FBXO8: variants seen among roughly 807,000 people sequenced by gnomAD.
FBXO8 encodes F-box only protein 8.
Under a neutral mutation model 33.4 loss-of-function variants are expected in FBXO8, and 15 were observed. The ratio of observed to expected loss-of-function variants is 0.45; its 90% confidence interval spans 0.30 to 0.69. The LOEUF (loss-of-function observed/expected upper bound fraction) is 0.69. Ranked by LOEUF, FBXO8 falls within the 30% of genes least tolerant of loss-of-function variation. The probability of loss-of-function intolerance (pLI) is 0.08; values close to 1 mark genes in which losing one functional copy is unlikely to be tolerated. For missense variants in FBXO8, 274 were observed against 380.3 expected (o/e 0.72, Z 2.32); for synonymous variants, 132 against 131.5 (o/e 1.00, Z -0.02).
rs72702245 is a variant in FBXO8 at position 174,273,333 on chromosome 4, A to G, written c.-9+10077T>C. On this transcript the variant is annotated intron_variant, in intron 1 of 5. Transcript: ENST00000393674. ...CAATGTCATAAAAGTTAAAAAAAAA[A>G]AAAAGAAAAGAAAAGAAAAAAGGTG... Among the ~76,000 whole-genome samples, 148 of 116,102 alleles carry G rather than the reference A, an allele frequency of 1.3e-3. 4 individuals are homozygous for G. The highest frequency in any genetic ancestry group is 9.2e-3 in the Middle Eastern group (2 of 218). 76.2% of individuals were successfully genotyped at this position (116,102 alleles called of 152,430 possible). A position where few individuals can be genotyped will look rare whatever the true frequency, so the allele number is the denominator to read the frequency against.
At position 174,237,761 on chromosome 4, in the gene FBXO8, T is replaced by C. The variant is rs1485753406; in HGVS notation, c.773-162A>G. Among the ~76,000 whole-genome samples the C allele has an allele frequency of 6.6e-6, 1 of 152,100 alleles. No individual in the cohort carries two copies. The highest frequency in any genetic ancestry group is 2.4e-5 in the African/African-American group (1 of 41,430). ...CAGTTTGTCTAGACTCTTCCCAGTT[T>C]TGCACTGAAAGTCCTGTCATCCTGG... On this transcript the variant is annotated intron_variant, in intron 5 of 5. Transcript: ENST00000393674. This position sits in a 1 kb window ranked among gnomAD's most constrained non-coding sequence, Gnocchi z 4.4.
At chr4:174,240,583 T>TCTGTTTTA (rs1736013452) in intron 4 of FBXO8, among the ~76,000 whole-genome samples, 1 of 13,214 alleles carries the variant, frequency 7.6e-5, no homozygotes, top group Non-Finnish European at 1.4e-4. Flanking sequence ...ATACTAACCA[T>TCTGTTTTA]CATCTCTGTG....
At chr4:174,279,705 G>A (rs569575993) in intron 1 of FBXO8, among the ~76,000 whole-genome samples, 7 of 152,074 alleles carry the variant, frequency 4.6e-5, no homozygotes, top group African/African-American at 1.7e-4. Context: ...TCACATATAT[G>A]GTCAAAAGAT....
chr4:174,278,083 T>C lies in FBXO8; in HGVS notation c.-9+5327A>G, dbSNP rs377605668. 6.6e-6 allele frequency among the ~76,000 whole-genome samples: 1 copy of C among 152,132 alleles called. No homozygotes were observed. The highest frequency in any genetic ancestry group is 1.9e-4 in the East Asian group (1 of 5,178). Reference sequence around the variant, plus strand: ...TTAGAACAGACTGCGTAGAGAAATTTTTTAAAAAAGAAAAAAACCCTGATA... The same window carrying C: ...TTAGAACAGACTGCGTAGAGAAATTCTTTAAAAAAGAAAAAAACCCTGATA... On this transcript the variant is annotated intron_variant, in intron 1 of 5. Coordinates refer to ENST00000393674, the MANE Select transcript of FBXO8 (RefSeq NM_012180.3). The surrounding 1 kb of genome is among the most constrained non-coding windows in gnomAD (Gnocchi z 4.1).
chr4:174,264,202 G>A (rs906638163), intron 1 of FBXO8, among the ~76,000 whole-genome samples: 1 of 152,022 alleles, frequency 6.6e-6, no homozygotes, highest in African/African-American at 2.4e-5. Flanking sequence ...ATATAATGTG[G>A]CTTCAATTAA....
At position 174,277,134 on chromosome 4, in the gene FBXO8, T is replaced by G. The variant is rs912832772; in HGVS notation, c.-9+6276A>C. 1.3e-5 allele frequency among the ~76,000 whole-genome samples: 2 copies of G among 152,160 alleles called. No individual in the cohort carries two copies. Among genetic ancestry groups the G allele is most frequent in the Admixed American group, 1.3e-4 (2 of 15,280 alleles). ...CAAACTATGGATTAACTACAAATAA[T>G]TACACATTTATTAAAATTTATAAGA... On this transcript the variant is annotated intron_variant, in intron 1 of 5. Coordinates refer to ENST00000393674, the MANE Select transcript of FBXO8 (RefSeq NM_012180.3). This position sits in a 1 kb window ranked among gnomAD's most constrained non-coding sequence, Gnocchi z 4.9.
Position 174,237,569 on chromosome 4 carries a change from A to G in FBXO8, c.803T>C (p.Ile268Thr). ...DAVYVLCYSL[I>T]LLSIDLTSPH... ...GCTAGTGAGGTCAATGGAAAGTAGAATCAAAGAGTAGCACAGTACATAGAC... is the reference window on the plus strand; with the variant it reads ...GCTAGTGAGGTCAATGGAAAGTAGAGTCAAAGAGTAGCACAGTACATAGAC... Residue 268 changes from isoleucine to threonine, a missense_variant, in exon 6 of 6, where the codon ATT becomes ACT. Coordinates refer to ENST00000393674, the MANE Select transcript of FBXO8 (RefSeq NM_012180.3). This position sits in a 1 kb window ranked among gnomAD's most constrained non-coding sequence, Gnocchi z 4.4. 1.9e-6 allele frequency: 3 copies of G among 1,613,592 alleles called. No homozygotes were observed. Among genetic ancestry groups the G allele is most frequent in the Non-Finnish European group, 2.5e-6 (3 of 1,179,608 alleles).
At chr4:174,242,842 T>A (rs1378230269) in intron 3 of FBXO8, among the ~76,000 whole-genome samples, 3 of 151,492 alleles carry the variant, frequency 2.0e-5, no homozygotes, top group African/African-American at 4.8e-5. Context: ...TTTCCAAAAT[T>A]CCTCAGTGTA....
intron 1 of FBXO8, among the ~76,000 whole-genome samples, chr4:174,269,951 G>C (rs1736798611): frequency 6.6e-6 from 1 of 152,122 alleles, no homozygotes. Flanking sequence ...AATGCTCCTT[G>C]TGTCTCAGAG....
In FBXO8 at chr4:174,265,449, G is replaced by A. The variant is rs1048801467; in HGVS notation, c.-8-2349C>T. Among the ~76,000 whole-genome samples, 1 of 152,084 alleles carries A rather than the reference G, an allele frequency of 6.6e-6. No individual in the cohort carries two copies. The highest frequency in any genetic ancestry group is 1.9e-4 in the East Asian group (1 of 5,200). Reference sequence around the variant, plus strand: ...TTCAAATCCTGTAAGCAACTACGATGTACTTCATTATGCGAATGTATAAAT... The same window carrying A: ...TTCAAATCCTGTAAGCAACTACGATATACTTCATTATGCGAATGTATAAAT... On this transcript the variant is annotated intron_variant, in intron 1 of 5. Coordinates refer to ENST00000393674, the MANE Select transcript of FBXO8 (RefSeq NM_012180.3). This position sits in a 1 kb window ranked among gnomAD's most constrained non-coding sequence, Gnocchi z 4.7.
intron 1 of FBXO8, among the ~76,000 whole-genome samples, chr4:174,264,607 TC>T (rs1057515288): frequency 1.3e-5 from 2 of 152,046 alleles, no homozygotes; most frequent in Admixed American, 1.3e-4. Context: ...CTGCTTGGAA[TC>T]CCAGCAGCTT....
Position 174,275,205 on chromosome 4 carries a change from T to C in FBXO8, c.-9+8205A>G, listed in dbSNP as rs933727378. 6.6e-6 allele frequency among the ~76,000 whole-genome samples: 1 copy of C among 152,156 alleles called. No homozygotes were observed. The highest frequency in any genetic ancestry group is 1.5e-5 in the Non-Finnish European group (1 of 68,034). On this transcript the variant is annotated intron_variant, in intron 1 of 5. Coordinates refer to ENST00000393674, the MANE Select transcript of FBXO8 (RefSeq NM_012180.3). This position sits in a 1 kb window ranked among gnomAD's most constrained non-coding sequence, Gnocchi z 4.4. ...TAAGCACATGGTAAGATGGTCAACA[T>C]CATTAGCCAGGAGAGAGGTGCGTAC...
chr4:174,240,597 A>AAC (rs34652485), intron 4 of FBXO8, among the ~76,000 whole-genome samples: 151,648 of 151,824 alleles, frequency 1, 75,736 homozygotes, highest in Middle Eastern at 1. Context: ...CTCTGTGTAA[A>AAC]ACTGCTAAAT....
Position 174,269,678 on chromosome 4 carries a change from C to CAA in FBXO8, c.-8-6580_-8-6579dup, listed in dbSNP as rs34352151. Among the ~76,000 whole-genome samples the CAA allele has an allele frequency of 7.9e-4, 92 of 117,022 alleles. 1 individual carries two copies. Among genetic ancestry groups the CAA allele is most frequent in the Admixed American group, 3.4e-3 (38 of 11,338 alleles). 76.8% of individuals were successfully genotyped at this position (117,022 alleles called of 152,430 possible). A position where few individuals can be genotyped will look rare whatever the true frequency, so the allele number is the denominator to read the frequency against. On this transcript the variant is annotated intron_variant, in intron 1 of 5. Transcript: ENST00000393674. ...CTGGGCAACAGAGTGAGACTCGTCT[C>CAA]AAAAAAAAAAAAAAAGAATGGTAAT...
chr4:174,248,518 G>C (rs185534000), intron 3 of FBXO8, among the ~76,000 whole-genome samples: 10 of 152,118 alleles, frequency 6.6e-5, no homozygotes, highest in Admixed American at 6.6e-4. Flanking sequence ...CTAAATAGCA[G>C]ATTTCAGTCT....
chr4:174,240,992 A>G (rs1305891454), intron 4 of FBXO8, 108 bp downstream of exon 4: 1 of 560,042 alleles, frequency 1.8e-6, no homozygotes, highest in Non-Finnish European at 3.1e-6. Context: ...TCTTTATTCA[A>G]TTTTGCAACC....
chr4:174,258,681 C>CA (rs1736470916), intron 3 of FBXO8, among the ~76,000 whole-genome samples: 1 of 151,556 alleles, frequency 6.6e-6, no homozygotes, highest in Non-Finnish European at 1.5e-5. Context: ...AAAAATTTAA[C>CA]AAAAAATAAA....
rs1736383046 is a variant in FBXO8 at position 174,254,883 on chromosome 4, T to C, written c.456+4816A>G. On this transcript the variant is annotated intron_variant, in intron 3 of 5. Coordinates refer to ENST00000393674, the MANE Select transcript of FBXO8 (RefSeq NM_012180.3). This position sits in a 1 kb window ranked among gnomAD's most constrained non-coding sequence, Gnocchi z 4.2. ...ATTTCAACCATTCTAAAATATTTAT[T>C]TATACACAGTAGGATTACAGATAAT... Among the ~76,000 whole-genome samples the C allele has an allele frequency of 6.6e-6, 1 of 152,140 alleles. No homozygotes were observed. The highest frequency in any genetic ancestry group is 1.5e-5 in the Non-Finnish European group (1 of 67,996).
In FBXO8 at chr4:174,263,048, T is replaced by C. The variant is rs150094030; in HGVS notation, c.45A>G (p.Gln15=). ...AGCCTTGCTCACTGTAGCCTTCTTG[T>C]TGCAGCTGCTGGTTTCTGACCACTC... ...LWRVVRNQQL[Q]QEGYSEQGYL... The change falls in exon 2 of 6, where the codon CAA becomes CAG. Residue 15 remains glutamine, a synonymous_variant. Transcript: ENST00000393674. The surrounding 1 kb of genome is among the most constrained non-coding windows in gnomAD (Gnocchi z 4.2). The C allele has an allele frequency of 1.9e-3, 2,999 of 1,613,982 alleles. 13 individuals are homozygous for C. The highest frequency in any genetic ancestry group is 9.1e-3 in the Middle Eastern group (55 of 6,060).
Sources: gnomAD v4.1 joint callset for allele counts (sites outside exome capture counted in the v4.1 genomes callset) on GRCh38, gnomAD v4.1.1 for gene constraint, Gnocchi (gnomAD v3.1) non-coding constraint, MANE v1.5 for transcripts, NCBI Gene and HGNC (gene_info 2026-07-23, HGNC 2026-07-21) for gene names.